The following TENM3 variants were observed in gnomAD, a reference collection of about 807,000 sequenced individuals.
TENM3 encodes the protein teneurin transmembrane protein 3.
A neutral mutation model predicts 255.1 loss-of-function variants in TENM3; 63 were observed. The observed-to-expected ratio is 0.25, with a 90% CI of 0.20 to 0.30. The LOEUF is 0.30. Ranked by LOEUF, TENM3 falls within the 10% of genes least tolerant of loss-of-function variation. The pLI is 1.00. For synonymous variants in TENM3, 1,306 were observed against 1,322.3 expected, an observed-to-expected ratio of 0.99 and a Z score of 0.27; for missense variants, 2,929 against 3,461.1, an observed-to-expected ratio of 0.85 and a Z score of 3.86.
chr4:182,785,083 A>ATT (rs147529140), intron 24 of TENM3, among the ~76,000 whole-genome samples: 18,876 of 150,706 alleles, frequency 0.13, 1,512 homozygotes, highest in East Asian at 0.25. Flanking sequence ...CCTCCCCCAT[A>ATT]TTTTTTTTCT....
At chr4:181,629,195 G>A in the TENM3 span, among the ~76,000 whole-genome samples, 1 of 152,186 alleles carries the variant, frequency 6.6e-6, no homozygotes, top group Non-Finnish European at 1.5e-5. Context: ...TGTATCCTGA[G>A]ACTTTGCTGA....
At chr4:182,216,192 G>A (rs1015677879) in intron 1 of TENM3, among the ~76,000 whole-genome samples, 1 of 152,198 alleles carries the variant, frequency 6.6e-6, no homozygotes, top group Non-Finnish European at 1.5e-5. Flanking sequence ...AGAATGTGTG[G>A]TTTCCAGCTA....
chr4:181,458,455 A>G, the TENM3 span, among the ~76,000 whole-genome samples: 1 of 151,940 alleles, frequency 6.6e-6, no homozygotes, highest in Non-Finnish European at 1.5e-5. Context: ...GCTTGGGTGA[A>G]ACGTCCTCTT....
chr4:182,178,879 CTG>C (rs1198686720), intron 1 of TENM3, among the ~76,000 whole-genome samples: 1 of 152,180 alleles, frequency 6.6e-6, no homozygotes, highest in Admixed American at 6.5e-5. Context: ...CTGTATACAT[CTG>C]TAAATTTTCT....
At chr4:182,102,052 C>T in the TENM3 span, among the ~76,000 whole-genome samples, 35 of 152,332 alleles carry the variant, frequency 2.3e-4, 1 homozygote, top group Middle Eastern at 3.4e-3. Flanking sequence ...AGCCACCTGG[C>T]ATAGCCCAGG....
the TENM3 span, among the ~76,000 whole-genome samples, chr4:182,083,559 T>A: frequency 2.0e-5 from 3 of 152,202 alleles, no homozygotes; most frequent in Non-Finnish European, 4.4e-5. Context: ...ATTTTAGACG[T>A]TAAAGGCATT....
At chr4:182,663,183 A>G (rs987774236) in intron 6 of TENM3, among the ~76,000 whole-genome samples, 3 of 152,228 alleles carry the variant, frequency 2.0e-5, no homozygotes, top group Admixed American at 2.0e-4. Flanking sequence ...ATAGAAGTTG[A>G]CAGGCACTTT....
chr4:182,296,296 A>T (rs190804593), intron 1 of TENM3, among the ~76,000 whole-genome samples: 1 of 152,272 alleles, frequency 6.6e-6, no homozygotes, highest in South Asian at 2.1e-4. Context: ...TTACTCCAAT[A>T]TACTTGTTTC....
chr4:182,278,665 C>CAAA lies in TENM3; in HGVS notation c.-76+35203_-76+35205dup, dbSNP rs532591080. ...CCCAGTGCCTGAAGTCCCCAGTGTG[C>CAAA]AAAAAAAAAAAAAAAAGGAGGTGGA... is the stretch of plus-strand genomic sequence containing the variant. On this transcript the variant is annotated intron_variant, in intron 1 of 27. Coordinates refer to ENST00000511685, the MANE Select transcript of TENM3 (RefSeq NM_001080477.4). Among the ~76,000 whole-genome samples the CAAA allele has an allele frequency of 4.8e-4, 45 of 93,150 alleles. No homozygotes were observed. The South Asian group carries it at 0.012, about 25-fold the overall frequency. The allele number at this position is 93,150 out of a possible 152,430, so 61.1% of individuals were successfully genotyped here.
chr4:181,648,991 C>T, the TENM3 span, among the ~76,000 whole-genome samples: 5 of 152,306 alleles, frequency 3.3e-5, no homozygotes, highest in South Asian at 4.1e-4. Context: ...CAGCCTTTCT[C>T]GCAGAGCTGG....
chr4:182,531,594 A>G (rs76955449), intron 3 of TENM3, among the ~76,000 whole-genome samples: 6,496 of 152,268 alleles, frequency 0.043, 155 homozygotes, highest in Middle Eastern at 0.061. Flanking sequence ...AAAGTCAGCA[A>G]AAGGAAAAGA....
chr4:182,613,482 A>G (rs74942635), intron 4 of TENM3, among the ~76,000 whole-genome samples: 16,767 of 152,200 alleles, frequency 0.11, 1,760 homozygotes, highest in East Asian at 0.44. Flanking sequence ...AGTAAGTCGT[A>G]ATAGAAACAC....
rs775971183 is a variant in TENM3 at position 182,257,167 on chromosome 4, G to T, written c.-76+13691G>T. 2.6e-5 allele frequency among the ~76,000 whole-genome samples: 4 copies of T among 152,244 alleles called. No homozygotes were observed. In the South Asian group the frequency reaches 8.3e-4, roughly 32 times the overall value. Reference sequence around the variant, plus strand: ...CTTAGACTCTAATTTCATAGATCTGGGGTGGGGCTCCAGAATTTGCATTTC... The same window carrying T: ...CTTAGACTCTAATTTCATAGATCTGTGGTGGGGCTCCAGAATTTGCATTTC... On this transcript the variant is annotated intron_variant, in intron 1 of 27. Transcript: ENST00000511685.
the TENM3 span, among the ~76,000 whole-genome samples, chr4:181,893,149 A>G: frequency 6.6e-6 from 1 of 152,136 alleles, no homozygotes; most frequent in Non-Finnish European, 1.5e-5. Flanking sequence ...ATGTATTCTC[A>G]TTTATTATAA....
At chr4:182,563,697 G>A (rs1352938681) in intron 3 of TENM3, among the ~76,000 whole-genome samples, 2 of 152,052 alleles carry the variant, frequency 1.3e-5, no homozygotes, top group African/African-American at 4.8e-5. Flanking sequence ...CACATTAAAA[G>A]TATCTTTTGA....
chr4:182,441,045 T>C (rs565242880), intron 3 of TENM3, among the ~76,000 whole-genome samples: 1 of 152,266 alleles, frequency 6.6e-6, no homozygotes, highest in African/African-American at 2.4e-5. Flanking sequence ...GGAATGGCTA[T>C]GGCACGGAAG....
chr4:181,561,491 A>T, the TENM3 span, among the ~76,000 whole-genome samples: 3 of 152,214 alleles, frequency 2.0e-5, no homozygotes, highest in African/African-American at 7.2e-5. Flanking sequence ...AGTGTTAAAG[A>T]TTATTCGTAA....
chr4:181,627,793 C>A, the TENM3 span, among the ~76,000 whole-genome samples: 3 of 152,136 alleles, frequency 2.0e-5, no homozygotes, highest in East Asian at 3.8e-4. Context: ...CCGCAATAAA[C>A]ATTAAGTGTG....
At position 182,669,528 on chromosome 4, in the gene TENM3, C is replaced by T. The variant is rs192578095; in HGVS notation, c.1112-3477C>T. 3.3e-5 allele frequency among the ~76,000 whole-genome samples: 5 copies of T among 152,138 alleles called. No individual in the cohort carries two copies. The East Asian group carries it at 7.7e-4, about 24-fold the overall frequency. On this transcript the variant is annotated intron_variant, in intron 6 of 27. Transcript: ENST00000511685. The stretch of plus-strand genomic sequence containing the variant: ...CTCGTGATCCGCCCTCCTCAGCCTC[C>T]CAAATTGCTAGGATTACAGGCGTGA...
Sources: gnomAD v4.1 joint callset for allele counts (sites outside exome capture counted in the v4.1 genomes callset) on GRCh38, gnomAD v4.1.1 for gene constraint, MANE v1.5 for transcripts, NCBI Gene and HGNC (gene_info 2026-07-23, HGNC 2026-07-21) for gene names.